Variants in GDA observed in about 807,000 individuals in gnomAD.
GDA encodes cytoplasmic PSD-95 interactor.
Under a neutral mutation model 59.6 loss-of-function variants are expected in GDA, and 18 were observed. The ratio of observed to expected loss-of-function variants is 0.30; its 90% CI spans 0.21 to 0.45. The LOEUF is 0.45. Among genes scored for constraint, GDA ranks in the 20% least tolerant of loss-of-function variants. GDA has a pLI of 1.00. For synonymous variants in GDA, 201 were observed against 201.1 expected (o/e 1.00, Z 0.00); for missense variants, 427 against 552.3 (o/e 0.77, Z 2.27).
At chr9:72,246,864 G>T (rs1405943278) in intron 12 of GDA, among the ~76,000 whole-genome samples, 4 of 152,102 alleles carry the variant, frequency 2.6e-5, no homozygotes, top group African/African-American at 7.2e-5. Flanking sequence ...CTAGGGAATA[G>T]TCCTAGTGAT....
intron 1 of GDA, among the ~76,000 whole-genome samples, chr9:72,120,720 A>G (rs1448055262): frequency 2.0e-5 from 3 of 152,206 alleles, no homozygotes; most frequent in Non-Finnish European, 4.4e-5. Flanking sequence ...CATGTTTTAT[A>G]AGGCCATGTG....
chr9:72,135,206 A>G (rs1826175573), intron 1 of GDA, among the ~76,000 whole-genome samples: 1 of 149,940 alleles, frequency 6.7e-6, no homozygotes, highest in Non-Finnish European at 1.5e-5. Flanking sequence ...GATTCTGAAC[A>G]TCATGGCCTA....
At chr9:72,167,377 T>A (rs1164094935) in intron 1 of GDA, among the ~76,000 whole-genome samples, 1 of 152,182 alleles carries the variant, frequency 6.6e-6, no homozygotes, top group African/African-American at 2.4e-5. Flanking sequence ...GATTAAAGCC[T>A]TCTTCCTTGC....
At chr9:72,120,090 G>A (rs1043283422) in intron 1 of GDA, among the ~76,000 whole-genome samples, 2 of 151,934 alleles carry the variant, frequency 1.3e-5, no homozygotes, top group Non-Finnish European at 2.9e-5. Flanking sequence ...CCTTGCCAGT[G>A]CTATTTAAAG....
intron 5 of GDA, among the ~76,000 whole-genome samples, chr9:72,216,466 G>A (rs576013898): frequency 1.3e-5 from 2 of 152,204 alleles, no homozygotes; most frequent in South Asian, 4.1e-4. Flanking sequence ...ACAAAATGTG[G>A]TATACAATGG....
At chr9:72,223,655 ATTTCCACC>A (rs1320489868) in intron 7 of GDA, among the ~76,000 whole-genome samples, 1 of 152,222 alleles carries the variant, frequency 6.6e-6, no homozygotes, top group Admixed American at 6.5e-5. Flanking sequence ...AAAGAGCCTA[ATTTCCACC>A]TTACAAAATA....
intron 2 of GDA, among the ~76,000 whole-genome samples, chr9:72,196,369 C>T (rs1300238338): frequency 1.3e-5 from 2 of 151,140 alleles, no homozygotes; most frequent in Non-Finnish European, 2.9e-5. Context: ...GCCTGTAATC[C>T]CAGCTACCTG....
At chr9:72,240,309 C>T (rs1290887707) in intron 10 of GDA, among the ~76,000 whole-genome samples, 1 of 152,182 alleles carries the variant, frequency 6.6e-6, no homozygotes, top group Non-Finnish European at 1.5e-5. Context: ...CCAAAGTTCT[C>T]ATCTGGATTA....
intron 1 of GDA, among the ~76,000 whole-genome samples, chr9:72,135,173 T>A (rs551224930): frequency 2.6e-5 from 4 of 152,202 alleles, no homozygotes; most frequent in Admixed American, 2.6e-4. Flanking sequence ...CTTTTTTTTT[T>A]AACCAAAGAT....
chr9:72,201,549 C>T (rs1834008165), intron 2 of GDA, among the ~76,000 whole-genome samples: 2 of 152,136 alleles, frequency 1.3e-5, no homozygotes, highest in South Asian at 2.1e-4. Context: ...ATTTGGCTTA[C>T]AGTTAGGTGG....
In GDA at chr9:72,195,337, C is replaced by CTTTTTTT. The variant is rs55634274; in HGVS notation, c.124-151_124-145dup. Among the ~76,000 whole-genome samples, 22 of 119,546 alleles carry CTTTTTTT rather than the reference C, an allele frequency of 1.8e-4. 1 individual carries two copies. Among genetic ancestry groups the CTTTTTTT allele is most frequent in the African/African-American group, 3.4e-4 (11 of 32,164 alleles). The allele number at this position is 119,546 out of a possible 152,430, so 78.4% of individuals were successfully genotyped here. A position where few individuals can be genotyped will look rare whatever the true frequency, so the allele number is the denominator to read the frequency against. On this transcript the variant is annotated intron_variant, in intron 1 of 13. Transcript: ENST00000358399. ...TGGATGACCAAAAGCAAACACCTGT[C>CTTTTTTT]TTTTTTTTTTTTTTTTTTGCCTCTA...
At chr9:72,138,902 C>T (rs2130644626) in intron 1 of GDA, among the ~76,000 whole-genome samples, 1 of 152,328 alleles carries the variant, frequency 6.6e-6, no homozygotes, top group South Asian at 2.1e-4. Flanking sequence ...ACAACAGCAA[C>T]ATCAATCATA....
At chr9:72,145,881 G>C (rs12342664), upstream of GDA, among the ~76,000 whole-genome samples, 18,622 of 152,110 alleles carry the variant, frequency 0.12, 2,382 homozygotes, top group African/African-American at 0.32. Context: ...TAATTTTTAT[G>C]ACTAAAATAT....
intron 2 of GDA, among the ~76,000 whole-genome samples, chr9:72,201,115 A>G (rs1833948712): frequency 6.6e-6 from 1 of 152,038 alleles, no homozygotes; most frequent in African/African-American, 2.4e-5. Flanking sequence ...TCTTACACAC[A>G]CTAAATACAT....
intron 5 of GDA, among the ~76,000 whole-genome samples, chr9:72,218,637 ATG>A: frequency 6.6e-6 from 1 of 152,166 alleles, no homozygotes; most frequent in Non-Finnish European, 1.5e-5. Flanking sequence ...CCCATTCCCC[ATG>A]CACCTCACAA....
chr9:72,200,291 C>T (rs887188682), intron 2 of GDA, among the ~76,000 whole-genome samples: 1 of 151,992 alleles, frequency 6.6e-6, no homozygotes, highest in South Asian at 2.1e-4. Context: ...CCACCGTGCC[C>T]AGCCTCCTCT....
intron 5 of GDA, among the ~76,000 whole-genome samples, chr9:72,218,289 C>A (rs1369993418): frequency 6.6e-6 from 1 of 152,160 alleles, no homozygotes; most frequent in Non-Finnish European, 1.5e-5. Context: ...TTGCCAAGAC[C>A]AAACATATTC....
At chr9:72,180,807 A>G (rs1438842889) in intron 1 of GDA, among the ~76,000 whole-genome samples, 1 of 152,228 alleles carries the variant, frequency 6.6e-6, no homozygotes, top group Non-Finnish European at 1.5e-5. Context: ...TTTGCATCCC[A>G]AAGTGATTCA....
At chr9:72,121,932 A>G (rs763252921) in intron 1 of GDA, among the ~76,000 whole-genome samples, 50 of 152,148 alleles carry the variant, frequency 3.3e-4, no homozygotes, top group Non-Finnish European at 6.0e-4. Context: ...ATTGACTTCC[A>G]TGGACTTTCA....
Sources: allele counts gnomAD v4.1 joint callset (sites outside exome capture counted in the v4.1 genomes callset), GRCh38; gene constraint gnomAD v4.1.1; transcripts MANE v1.5; gene names NCBI Gene and HGNC (gene_info 2026-07-23, HGNC 2026-07-21).